The following SLC16A7 variants were observed in gnomAD, a reference collection of about 807,000 sequenced individuals.
SLC16A7 encodes solute carrier family 16 member 7, also known as monocarboxylate transporter 2.
A neutral mutation model predicts 34.9 loss-of-function variants in SLC16A7; 33 were observed. The ratio of observed to expected loss-of-function variants is 0.94; its 90% CI spans 0.72 to 1.26. The LOEUF is 1.26. Among genes scored for constraint, SLC16A7 ranks in the 50% most tolerant of loss-of-function variants. The pLI, the probability that SLC16A7 is intolerant of heterozygous loss-of-function variation, is 0.00. For synonymous variants in SLC16A7, 201 were observed against 206.6 expected, an observed-to-expected ratio of 0.97 and a Z score of 0.23; for missense variants, 573 against 578.1, an observed-to-expected ratio of 0.99 and a Z score of 0.09.
In SLC16A7 at chr12:59,768,714, C is replaced by A. The variant is rs894888216; in HGVS notation, c.218-2505C>A. Among the ~76,000 whole-genome samples, 46 of 152,136 alleles carry A rather than the reference C, an allele frequency of 3.0e-4. 1 individual carries two copies. Among genetic ancestry groups the A allele is most frequent in the African/African-American group, 1.1e-3 (44 of 41,500 alleles). On this transcript the variant is annotated intron_variant, in intron 3 of 5. Coordinates refer to ENST00000547379, the MANE Select transcript of SLC16A7 (RefSeq NM_001270623.2). ...TGTTTGTCTTATTTTAAGCAATTGC[C>A]AGCCAGGTGCAATGGCTCACACTTA...
chr12:59,621,916 T>G (rs1179289232), intron 1 of SLC16A7, among the ~76,000 whole-genome samples: 1 of 151,796 alleles, frequency 6.6e-6, no homozygotes, highest in African/African-American at 2.4e-5. Flanking sequence ...TTTCCTCATA[T>G]GTTTATAATT....
rs74960897 is a variant in SLC16A7 at position 59,736,907 on chromosome 12, G to A, written c.217+31889G>A. On this transcript the variant is annotated intron_variant, in intron 3 of 5. Coordinates refer to ENST00000547379, the MANE Select transcript of SLC16A7 (RefSeq NM_001270623.2). ...AAACTGCTTTTCCAAGATATTTCCT[G>A]TCATCTGTTCTCTACACCCTCAGCC... Among the ~76,000 whole-genome samples the A allele has an allele frequency of 3.9e-5, 6 of 152,180 alleles. No individual in the cohort carries two copies. The East Asian group carries it at 1.2e-3, about 29-fold the overall frequency.
Position 59,774,838 on chromosome 12 carries a change from G to T in SLC16A7, c.543G>T (p.Leu181Phe), listed in dbSNP as rs1198927072. ...TFGWKGSFLI[L>F]GSLLLNACVA... ...GCTGGAAAGGAAGCTTCCTGATTTT[G>T]GGAAGTCTACTTTTGAATGCCTGTG... The change falls in exon 5 of 6, where the codon TTG becomes TTT. Residue 181 changes from leucine to phenylalanine, a missense_variant. Coordinates refer to ENST00000547379, the MANE Select transcript of SLC16A7 (RefSeq NM_001270623.2). 6 of 1,613,702 alleles carry T rather than the reference G, an allele frequency of 3.7e-6. No homozygotes were observed. Among genetic ancestry groups the T allele is most frequent in the Non-Finnish European group, 5.1e-6 (6 of 1,179,950 alleles).
intron 2 of SLC16A7, among the ~76,000 whole-genome samples, chr12:59,691,033 T>A (rs534786425): frequency 6.6e-6 from 1 of 152,122 alleles, no homozygotes; most frequent in Non-Finnish European, 1.5e-5. Flanking sequence ...TACTAAAGTT[T>A]TGTATTTCAA....
chr12:59,732,242 C>A (rs926957080), intron 3 of SLC16A7, among the ~76,000 whole-genome samples: 6 of 151,910 alleles, frequency 3.9e-5, no homozygotes, highest in African/African-American at 1.5e-4. Context: ...TATGAAGAAA[C>A]CCTATCTCTA....
chr12:59,624,316 G>A (rs567891437), intron 1 of SLC16A7, among the ~76,000 whole-genome samples: 3 of 151,286 alleles, frequency 2.0e-5, no homozygotes, highest in Non-Finnish European at 4.4e-5. Context: ...ACTTACATAT[G>A]AGCAGTTTTT....
At chr12:59,660,845 A>G (rs1411003336) in intron 2 of SLC16A7, among the ~76,000 whole-genome samples, 2 of 152,148 alleles carry the variant, frequency 1.3e-5, no homozygotes, top group Non-Finnish European at 2.9e-5. Context: ...TGTGACTGAG[A>G]CAGTAGATTT....
intron 2 of SLC16A7, among the ~76,000 whole-genome samples, chr12:59,671,955 G>A (rs1271243373): frequency 1.3e-4 from 8 of 63,400 alleles, no homozygotes; most frequent in Non-Finnish European, 1.3e-4. Context: ...GTGTATATAT[G>A]TATATATGTG....
At chr12:59,615,965 T>A (rs1309424952) in intron 1 of SLC16A7, among the ~76,000 whole-genome samples, 1 of 152,218 alleles carries the variant, frequency 6.6e-6, no homozygotes, top group Non-Finnish European at 1.5e-5. Context: ...CAGGACCTGG[T>A]GACTGTTCCC....
chr12:59,618,089 G>A (rs1879536066), intron 1 of SLC16A7, among the ~76,000 whole-genome samples: 1 of 151,638 alleles, frequency 6.6e-6, no homozygotes, highest in East Asian at 1.9e-4. Context: ...TATATTGCAG[G>A]AATAGTGAAT....
intron 3 of SLC16A7, among the ~76,000 whole-genome samples, chr12:59,713,392 G>A (rs760767401): frequency 6.6e-6 from 1 of 152,144 alleles, no homozygotes; most frequent in Non-Finnish European, 1.5e-5. Context: ...TAGGATTGAA[G>A]AATTTACCGC....
intron 1 of SLC16A7, among the ~76,000 whole-genome samples, chr12:59,645,528 T>C (rs954068661): frequency 2.6e-5 from 4 of 152,156 alleles, no homozygotes; most frequent in African/African-American, 9.7e-5. Flanking sequence ...CCTTCTACCA[T>C]GATTGTAAGC....
At chr12:59,682,066 A>C (rs1482818008) in intron 2 of SLC16A7, among the ~76,000 whole-genome samples, 2 of 152,208 alleles carry the variant, frequency 1.3e-5, no homozygotes, top group African/African-American at 4.8e-5. Flanking sequence ...GGTCATTAGA[A>C]AAACTTTTGA....
chr12:59,719,488 A>C (rs537961521), intron 3 of SLC16A7, among the ~76,000 whole-genome samples: 3 of 152,208 alleles, frequency 2.0e-5, no homozygotes, highest in African/African-American at 7.2e-5. Flanking sequence ...GTGTGATCCC[A>C]AAAAAATGAG....
intron 3 of SLC16A7, among the ~76,000 whole-genome samples, chr12:59,744,607 T>C (rs1878692256): frequency 6.6e-6 from 1 of 152,174 alleles, no homozygotes; most frequent in South Asian, 2.1e-4. Context: ...GCTATCACAC[T>C]GACCCTCTGC....
Position 59,651,309 on chromosome 12 carries a change from AG to A in SLC16A7, c.-129-3842del, listed in dbSNP as rs1000841281. On this transcript the variant is annotated intron_variant, in intron 1 of 5. Transcript: ENST00000547379. Reference sequence around the variant, plus strand: ...AATTTTGTTAAAGTTTTGAGATCAAAGCTTATTGTCCTAGTGTTTTTCTTAC... The same window carrying A: ...AATTTTGTTAAAGTTTTGAGATCAAACTTATTGTCCTAGTGTTTTTCTTAC... Among the ~76,000 whole-genome samples the A allele has an allele frequency of 2.2e-4, 33 of 152,154 alleles. 2 individuals are homozygous for A. The highest frequency in any genetic ancestry group is 1.5e-5 in the Non-Finnish European group (1 of 68,026).
At chr12:59,769,819 A>C (rs1342935437) in intron 3 of SLC16A7, among the ~76,000 whole-genome samples, 1 of 152,030 alleles carries the variant, frequency 6.6e-6, no homozygotes, top group Admixed American at 6.6e-5. Flanking sequence ...TTAGCTGAAA[A>C]ATTATGTTTT....
rs566281095 is a variant in SLC16A7 at position 59,696,998 on chromosome 12, AT to A, written c.-30-7772del. Among the ~76,000 whole-genome samples, 175 of 152,040 alleles carry A rather than the reference AT, an allele frequency of 1.2e-3. 1 individual carries two copies. Among genetic ancestry groups the A allele is most frequent in the Non-Finnish European group, 2.3e-3 (156 of 67,888 alleles). On this transcript the variant is annotated intron_variant, in intron 2 of 5. Coordinates refer to ENST00000547379, the MANE Select transcript of SLC16A7 (RefSeq NM_001270623.2). ...AAACAAGTAATACAAAACAGAAAAGATTAAGGAGAAAAAACGCTTAATCATA... is the reference window on the plus strand; with the variant it reads ...AAACAAGTAATACAAAACAGAAAAGATAAGGAGAAAAAACGCTTAATCATA...
chr12:59,721,090 C>T (rs924985530), intron 3 of SLC16A7, among the ~76,000 whole-genome samples: 9 of 151,862 alleles, frequency 5.9e-5, no homozygotes, highest in South Asian at 2.1e-4. Context: ...TAGGTGGGCC[C>T]GAAATGCTGC....
Sources: gnomAD v4.1 joint callset for allele counts (sites outside exome capture counted in the v4.1 genomes callset) on GRCh38, gnomAD v4.1.1 for gene constraint, MANE v1.5 for transcripts, NCBI Gene and HGNC (gene_info 2026-07-23, HGNC 2026-07-21) for gene names.